The following THEMIS variants were observed in gnomAD, a reference collection of about 807,000 sequenced individuals.
THEMIS encodes protein THEMIS.
A neutral mutation model predicts 52.6 loss-of-function variants in THEMIS; 37 were observed. That is an observed-to-expected ratio of 0.70 (90% CI 0.54 to 0.93). THEMIS has a LOEUF of 0.93. THEMIS is among the 40% of genes least tolerant of loss of function. THEMIS has a pLI of 0.00. For synonymous variants in THEMIS, 292 were observed against 272.7 expected (o/e 1.07, Z -0.70); for missense variants, 808 against 763.1 (o/e 1.06, Z -0.69).
chr6:127,797,162 C>G (rs1462338078), intron 4 of THEMIS, among the ~76,000 whole-genome samples: 1 of 152,136 alleles, frequency 6.6e-6, no homozygotes, highest in Admixed American at 6.5e-5. Flanking sequence ...TTTGACTTCT[C>G]CAGCTTAGGG....
intron 4 of THEMIS, among the ~76,000 whole-genome samples, chr6:127,762,581 G>A (rs945200259): frequency 6.6e-6 from 1 of 151,918 alleles, no homozygotes; most frequent in African/African-American, 2.4e-5. Flanking sequence ...TTACTTCAAG[G>A]TCTTTGCATT....
chr6:127,844,693 A>C (rs898845479), intron 2 of THEMIS, among the ~76,000 whole-genome samples: 4 of 151,930 alleles, frequency 2.6e-5, no homozygotes, highest in Non-Finnish European at 5.9e-5. Context: ...TAACACTCTG[A>C]AAGAGGGACA....
At chr6:127,834,631 A>C (rs1237490501) in intron 2 of THEMIS, among the ~76,000 whole-genome samples, 1 of 152,066 alleles carries the variant, frequency 6.6e-6, no homozygotes, top group African/African-American at 2.4e-5. Flanking sequence ...AACTGTCTGC[A>C]GTAGCTATTA....
intron 4 of THEMIS, among the ~76,000 whole-genome samples, chr6:127,809,586 C>A (rs1340875387): frequency 2.0e-5 from 3 of 152,058 alleles, no homozygotes; most frequent in African/African-American, 7.2e-5. Context: ...AGGAACTATT[C>A]ATAAACAAAG....
chr6:127,713,983 T>TA (rs1774071157), intron 5 of THEMIS, among the ~76,000 whole-genome samples: 1 of 151,864 alleles, frequency 6.6e-6, no homozygotes, highest in Non-Finnish European at 1.5e-5. Flanking sequence ...CAGTGGTTGA[T>TA]AGCAGCAGAT....
At chr6:127,702,620 TTTTTTTTTTTA>T in the THEMIS span, among the ~76,000 whole-genome samples, 1 of 151,214 alleles carries the variant, frequency 6.6e-6, no homozygotes, top group Admixed American at 6.6e-5. Context: ...TAACCTGTTT[TTTTTTTTTTTA>T]GCTATCATAT....
At chr6:127,842,163 G>A (rs1779070067) in intron 2 of THEMIS, among the ~76,000 whole-genome samples, 1 of 151,704 alleles carries the variant, frequency 6.6e-6, no homozygotes, top group South Asian at 2.1e-4. Context: ...TTTCCTATCA[G>A]GTCCTTTAGA....
intron 4 of THEMIS, among the ~76,000 whole-genome samples, chr6:127,789,739 G>A (rs1323078188): frequency 1.3e-5 from 2 of 152,024 alleles, no homozygotes; most frequent in African/African-American, 2.4e-5. Context: ...ATCAATAAAC[G>A]TAATCAATCA....
intron 2 of THEMIS, among the ~76,000 whole-genome samples, chr6:127,835,892 T>C (rs1778860944): frequency 6.6e-6 from 1 of 152,174 alleles, no homozygotes; most frequent in Admixed American, 6.5e-5. Flanking sequence ...CATGCTTTGA[T>C]AAATTACTTA....
At chr6:127,891,414 T>C (rs758226176) in intron 1 of THEMIS, among the ~76,000 whole-genome samples, 2 of 151,532 alleles carry the variant, frequency 1.3e-5, no homozygotes, top group Non-Finnish European at 2.9e-5. Context: ...CGGGCACCTG[T>C]AGTCCCAGCT....
chr6:127,822,548 A>T (rs527441972), intron 3 of THEMIS, among the ~76,000 whole-genome samples: 1 of 152,252 alleles, frequency 6.6e-6, no homozygotes, highest in African/African-American at 2.4e-5. Flanking sequence ...CACTACTTTG[A>T]CTTTTACATT....
chr6:127,875,632 G>T (rs898723782), intron 1 of THEMIS, among the ~76,000 whole-genome samples: 1 of 152,166 alleles, frequency 6.6e-6, no homozygotes, highest in Non-Finnish European at 1.5e-5. Flanking sequence ...CTAATGTAAC[G>T]GAGGAACTCA....
At chr6:127,874,910 C>T (rs776869286) in intron 1 of THEMIS, among the ~76,000 whole-genome samples, 25 of 152,180 alleles carry the variant, frequency 1.6e-4, no homozygotes, top group East Asian at 1.5e-3. Context: ...TGGTGCTGGC[C>T]GCACAGCAGG....
chr6:127,887,033 T>G (rs2114454507), intron 1 of THEMIS, among the ~76,000 whole-genome samples: 1 of 148,400 alleles, frequency 6.7e-6, no homozygotes, highest in East Asian at 2.0e-4. Context: ...ATACATTGGA[T>G]TTCATCAAAA....
At chr6:127,875,248 A>G (rs1227551425) in intron 1 of THEMIS, among the ~76,000 whole-genome samples, 3 of 152,250 alleles carry the variant, frequency 2.0e-5, no homozygotes, top group Non-Finnish European at 4.4e-5. Flanking sequence ...ATCTGCATTC[A>G]TCTCAAAATA....
At chr6:127,702,328 C>T in the THEMIS span, among the ~76,000 whole-genome samples, 1 of 152,066 alleles carries the variant, frequency 6.6e-6, no homozygotes. Context: ...CTTCTTTATT[C>T]TTCTTGAAAT....
intron 2 of THEMIS, among the ~76,000 whole-genome samples, chr6:127,849,787 G>C (rs1039640822): frequency 2.6e-5 from 4 of 151,854 alleles, no homozygotes; most frequent in Admixed American, 2.6e-4. Flanking sequence ...AAACCATAAA[G>C]TTTTGGAAGA....
chr6:127,897,068 T>G (rs964303176), intron 1 of THEMIS, among the ~76,000 whole-genome samples: 3 of 151,394 alleles, frequency 2.0e-5, no homozygotes, highest in Admixed American at 1.3e-4. Context: ...AAAAGGCAGC[T>G]TTTCAATAAA....
chr6:127,717,216 C>T lies in THEMIS; in HGVS notation c.1894+2472G>A, dbSNP rs1311032117. On this transcript the variant is annotated intron_variant, in intron 5 of 5. Coordinates refer to ENST00000368248, the MANE Select transcript of THEMIS (RefSeq NM_001010923.3). ...ATATAATCTTCAAAAAAAAAAAGCA[C>T]ATGGTATAGCACTACTAGTAACTCA... 3.3e-5 allele frequency among the ~76,000 whole-genome samples: 5 copies of T among 151,140 alleles called. No individual in the cohort carries two copies. The East Asian group carries it at 7.8e-4, about 24-fold the overall frequency.
Sources: allele counts gnomAD v4.1 joint callset (sites outside exome capture counted in the v4.1 genomes callset), GRCh38; gene constraint gnomAD v4.1.1; transcripts MANE v1.5; gene names NCBI Gene and HGNC (gene_info 2026-07-23, HGNC 2026-07-21).